Variants in KMT2B observed in about 807,000 individuals in gnomAD.
KMT2B encodes lysine methyltransferase 2B.
KMT2B carries 22 observed loss-of-function variants against 255.3 expected under a neutral mutation model. That is an observed-to-expected ratio of 0.09 (90% CI 0.06 to 0.12). The LOEUF (loss-of-function observed/expected upper bound fraction) is 0.12. Ranked by LOEUF, KMT2B falls within the 10% of genes least tolerant of loss-of-function variation. The pLI is 1.00. For synonymous variants in KMT2B, 1,730 were observed against 1,498.1 expected, an observed-to-expected ratio of 1.15 and a Z score of -3.57; for missense variants, 3,149 against 3,737.0, an observed-to-expected ratio of 0.84 and a Z score of 4.10.
At position 35,738,030 on chromosome 19, in the gene KMT2B, C is replaced by T. The variant is rs754076871; in HGVS notation, c.7743-32C>T. The T allele has an allele frequency of 3.7e-6, 6 of 1,613,674 alleles. No individual in the cohort carries two copies. The highest frequency in any genetic ancestry group is 5.1e-6 in the Non-Finnish European group (6 of 1,179,758). ...TACTGTCTGGTTTCTGTCCCCCTCCCCCCTGAGTTCCCTGTTCATCCTGCC... is the reference window on the plus strand; with the variant it reads ...TACTGTCTGGTTTCTGTCCCCCTCCTCCCTGAGTTCCCTGTTCATCCTGCC... On this transcript the variant is annotated intron_variant, in intron 35 of 36. Coordinates refer to ENST00000420124, the MANE Select transcript of KMT2B (RefSeq NM_014727.3). The surrounding 1 kb of genome is among the most constrained non-coding windows in gnomAD (Gnocchi z 8.7).
intron 3 of KMT2B, 68 bp downstream of exon 3, chr19:35,721,872 CCTT>C: frequency 6.9e-7 from 1 of 1,456,068 alleles, no homozygotes; most frequent in African/African-American, 1.4e-5. Context: ...AACCCCCTAA[CCTT>C]CCGCCTCCTT....
Position 35,726,026 on chromosome 19 carries a change from A to T in KMT2B, c.3885+208A>T, listed in dbSNP as rs185064679. On this transcript the variant is annotated intron_variant, in intron 13 of 36. Transcript: ENST00000420124. ...GTGGTTTTAGGGGCTTATGAATCTC[A>T]CATTCCGTGGGCTCAGAATCCCCTG... Among the ~76,000 whole-genome samples, 74 of 152,270 alleles carry T rather than the reference A, an allele frequency of 4.9e-4. 3 individuals are homozygous for T. Among genetic ancestry groups the T allele is most frequent in the Middle Eastern group, 3.4e-3 (1 of 294 alleles).
In KMT2B at chr19:35,730,284, C is replaced by G. The variant is rs546354421; in HGVS notation, c.5077-58C>G. The G allele has an allele frequency of 3.1e-6, 5 of 1,604,972 alleles. No individual in the cohort carries two copies. The South Asian group carries it at 3.3e-5, about 11-fold the overall frequency. ...CCAAGCCCCTGACTGTTCAGACTTC[C>G]CTGGCATCCACCTCCCCCACCAATG... is the stretch of plus-strand genomic sequence containing the variant. On this transcript the variant is annotated intron_variant, in intron 23 of 36. Coordinates refer to ENST00000420124, the MANE Select transcript of KMT2B (RefSeq NM_014727.3).
rs1270039310 is a variant in KMT2B, at chr19:35,721,514, G to T, written c.2167G>T (p.Gly723Trp). The T allele has an allele frequency of 1.2e-6, 2 of 1,611,960 alleles. No individual in the cohort carries two copies. The highest frequency in any genetic ancestry group is 1.7e-6 in the Non-Finnish European group (2 of 1,179,846). ...TPVKAEVSPH[G>W]APALSNGPQT... Reference sequence around the variant, plus strand: ...TGTTAAGGCCGAGGTGTCCCCTCACGGGGCTCCAGCTCTGAGCAACGGGCC... The same window carrying T: ...TGTTAAGGCCGAGGTGTCCCCTCACTGGGCTCCAGCTCTGAGCAACGGGCC... The change falls in exon 3 of 37, where the codon GGG becomes TGG. Residue 723 changes from glycine (G) to tryptophan (W), a missense_variant. Physicochemically the swap from Gly to Trp is radical, Grantham distance 184. Transcript: ENST00000420124.
In KMT2B at chr19:35,725,961, A is replaced by G. The variant is rs1969422183; in HGVS notation, c.3885+143A>G. On this transcript the variant is annotated intron_variant, in intron 13 of 36. Coordinates refer to ENST00000420124, the MANE Select transcript of KMT2B (RefSeq NM_014727.3). This position sits in a 1 kb window ranked among gnomAD's most constrained non-coding sequence, Gnocchi z 4.1. ...GATTAGTAATGTTTCCTCTTCAAAA[A>G]TTTCACATAGGTCAGATTTATATTC... 1.3e-5 allele frequency: 10 copies of G among 746,232 alleles called. No homozygotes were observed. Among genetic ancestry groups the G allele is most frequent in the Non-Finnish European group, 2.2e-5 (10 of 445,338 alleles). 46.2% of individuals were successfully genotyped at this position (746,232 alleles called of 1,614,324 possible).
At position 35,721,417 on chromosome 19, in the gene KMT2B, G is replaced by T; in HGVS notation, c.2070G>T (p.Glu690Asp). 1.2e-6 allele frequency: 2 copies of T among 1,611,362 alleles called. No homozygotes were observed. ...CTCCTGCCGATGACTCTCCAGCTGA[G>T]CCTGAGCCTCGGGCAGTGGGCCGCA... ...EPPPADDSPA[E>D]PEPRAVGRTN... Residue 690 changes from glutamate (E) to aspartate (D), a missense_variant, in exon 3 of 37, where the codon GAG becomes GAT. This residue lies in a region of KMT2B where 1,188 missense variants were observed against 1,106.4 expected (regional missense o/e 1.07). Coordinates refer to ENST00000420124, the MANE Select transcript of KMT2B (RefSeq NM_014727.3).
At chr19:35,724,791 G>A in intron 9 of KMT2B, 60 bp downstream of exon 9, 2 of 1,424,362 alleles carry the variant, frequency 1.4e-6, no homozygotes, top group Non-Finnish European at 1.9e-6. Context: ...AAGTCAGAGT[G>A]ACAGACACAC....
Position 35,721,318 on chromosome 19 carries a change from C to G in KMT2B, c.1971C>G (p.Ala657=). The change falls in exon 3 of 37, where the codon GCC becomes GCG. Residue 657 remains alanine, a synonymous_variant. Transcript: ENST00000420124. ...CCCCTCAGTTTACCCCAAGCGAAGCCCACCTGAAGATCTACGAATCGGTGC... is the reference window on the plus strand; with the variant it reads ...CCCCTCAGTTTACCCCAAGCGAAGCGCACCTGAAGATCTACGAATCGGTGC... The part of the protein sequence containing the change: ...LRAPQFTPSE[A]HLKIYESVLT... The G allele has an allele frequency of 6.4e-7, 1 of 1,554,978 alleles. No homozygotes were observed. Among genetic ancestry groups the G allele is most frequent in the Non-Finnish European group, 8.7e-7 (1 of 1,150,400 alleles).
chr19:35,733,700 C>T lies in KMT2B; in HGVS notation c.7049+14C>T, dbSNP rs867509477. The stretch of plus-strand genomic sequence containing the variant: ...AGAAAGTCCTGGGTGAGTGGCCAGG[C>T]CCCTCTCCCTGGAGGGTCTGGGACC... On this transcript the variant is annotated intron_variant, in intron 29 of 36. Transcript: ENST00000420124. This position sits in a 1 kb window ranked among gnomAD's most constrained non-coding sequence, Gnocchi z 4.3. The T allele has an allele frequency of 2.5e-6, 4 of 1,604,476 alleles. No individual in the cohort carries two copies. The highest frequency in any genetic ancestry group is 1.7e-5 in the Admixed American group (1 of 58,312).
chr19:35,736,682 G>C lies in KMT2B; in HGVS notation c.7160-8G>C. ...TGATCTTCACTCCAACCTGCTTCTTGGGACCAGGTGAGGCTTCGAGCTCTG... is the reference window on the plus strand; with the variant it reads ...TGATCTTCACTCCAACCTGCTTCTTCGGACCAGGTGAGGCTTCGAGCTCTG... On this transcript the variant is annotated splice_region_variant and splice_polypyrimidine_tract_variant and intron_variant, in intron 30 of 36. Transcript: ENST00000420124. The C allele has an allele frequency of 6.2e-7, 1 of 1,613,128 alleles. No homozygotes were observed. The highest frequency in any genetic ancestry group is 8.5e-7 in the Non-Finnish European group (1 of 1,179,244).
chr19:35,733,310 C>CAGGCCAT lies in KMT2B; in HGVS notation c.6761_6762insAGGCCAT (p.Pro2255GlyfsTer50). 7.0e-7 allele frequency: 1 copy of CAGGCCAT among 1,426,634 alleles called. No individual in the cohort carries two copies. Among genetic ancestry groups the CAGGCCAT allele is most frequent in the Non-Finnish European group, 9.6e-7 (1 of 1,039,114 alleles). The allele number at this position is 1,426,634 out of a possible 1,614,324, so 88.4% of individuals were successfully genotyped here. A position where few individuals can be genotyped will look rare whatever the true frequency, so the allele number is the denominator to read the frequency against. On this transcript the variant is annotated frameshift_variant, in exon 28 of 37. Coordinates refer to ENST00000420124, the MANE Select transcript of KMT2B (RefSeq NM_014727.3). LOFTEE classifies it high-confidence loss of function. This position sits in a 1 kb window ranked among gnomAD's most constrained non-coding sequence, Gnocchi z 4.3. ...GTCGGAGTGGTCCGCCCTGCCCCGC[C>CAGGCCAT]CCCGCCACCCCCTCCCCTGACGCTG... is the stretch of plus-strand genomic sequence containing the variant.
rs752684471 is a variant in KMT2B, at chr19:35,732,582, G to T, written c.6033G>T (p.Gly2011=). 92 of 1,613,402 alleles carry T rather than the reference G, an allele frequency of 5.7e-5. No homozygotes were observed. The highest frequency in any genetic ancestry group is 7.8e-5 in the Non-Finnish European group (92 of 1,179,824). Reference sequence around the variant, plus strand: ...TCCAGGAAGAGATTGTAGCCGCTGGGGCCATGGGGAGCAGCCACGGGGGCC... The same window carrying T: ...TCCAGGAAGAGATTGTAGCCGCTGGTGCCATGGGGAGCAGCCACGGGGGCC... The part of the protein sequence containing the change: ...EPFQEEIVAA[G]AMGSSHGGPG... The change falls in exon 28 of 37, where the codon GGG becomes GGT. Residue 2011 remains glycine (G), a synonymous_variant. Transcript: ENST00000420124.
rs901238760 is a variant in KMT2B at position 35,732,552 on chromosome 19, G to A, written c.6003G>A (p.Glu2001=). 1.9e-6 allele frequency: 3 copies of A among 1,613,812 alleles called. No individual in the cohort carries two copies. Among genetic ancestry groups the A allele is most frequent in the Non-Finnish European group, 2.5e-6 (3 of 1,179,874 alleles). Residue 2001 remains glutamate, a synonymous_variant, in exon 28 of 37, where the codon GAG becomes GAA. Transcript: ENST00000420124. ...LDFAASLLGT[E]PFQEEIVAAG... ...TCGCGGCCAGCCTGCTGGGGACTGA[G>A]CCCTTCCAGGAAGAGATTGTAGCCG...
intron 30 of KMT2B, among the ~76,000 whole-genome samples, chr19:35,734,152 C>G (rs1181680642): frequency 6.6e-6 from 1 of 152,068 alleles, no homozygotes; most frequent in Non-Finnish European, 1.5e-5. Flanking sequence ...CTGCCAGGAG[C>G]TGAGAGAGAG....
intron 30 of KMT2B, among the ~76,000 whole-genome samples, chr19:35,734,565 G>A (rs1257293190): frequency 1.3e-5 from 2 of 152,190 alleles, no homozygotes; most frequent in African/African-American, 2.4e-5. Context: ...AAAAGGCAGT[G>A]GGAAGAGGCC....
chr19:35,724,069 G>A, intron 8 of KMT2B, 62 bp downstream of exon 8: 1 of 1,460,400 alleles, frequency 6.8e-7, no homozygotes. Context: ...TTTTGTGTAG[G>A]AGGGACAAGG....
In KMT2B at chr19:35,720,239, G is replaced by A; in HGVS notation, c.892G>A (p.Gly298Ser). ...GGRGGRGRGR[G>S]GGLPFVIKFV... The stretch of plus-strand genomic sequence containing the variant: ...CCGTGGAGGCAGGGGCCGCGGCCGA[G>A]GTGGTGGGCTCCCCTTTGTGATCAA... The change falls in exon 3 of 37, where the codon GGT becomes AGT. Residue 298 changes from glycine to serine, a missense_variant. This residue lies in a region of KMT2B where 1,188 missense variants were observed against 1,106.4 expected (regional missense o/e 1.07). Coordinates refer to ENST00000420124, the MANE Select transcript of KMT2B (RefSeq NM_014727.3). 1 of 1,612,262 alleles carries A rather than the reference G, an allele frequency of 6.2e-7. No individual in the cohort carries two copies. The highest frequency in any genetic ancestry group is 8.5e-7 in the Non-Finnish European group (1 of 1,179,390).
chr19:35,718,516 G>A lies in KMT2B; in HGVS notation c.363+135G>A, dbSNP rs552856363. The A allele has an allele frequency of 9.8e-4, 1,052 of 1,070,376 alleles. 8 individuals carry two copies. In the Middle Eastern group the frequency reaches 0.011, roughly 11 times the overall value. 66.3% of individuals were successfully genotyped at this position (1,070,376 alleles called of 1,614,324 possible). ...TCGGAGAGACGGGGCACGGAGGGAG[G>A]GCGGCTGCATGCAGCTTCCGGGGGA... is the stretch of plus-strand genomic sequence containing the variant. On this transcript the variant is annotated intron_variant, in intron 1 of 36. Coordinates refer to ENST00000420124, the MANE Select transcript of KMT2B (RefSeq NM_014727.3). The surrounding 1 kb of genome is among the most constrained non-coding windows in gnomAD (Gnocchi z 5.0).
At chr19:35,736,592 G>A in intron 30 of KMT2B, 98 bp from the exon 31 acceptor site, 1 of 1,428,236 alleles carries the variant, frequency 7.0e-7, no homozygotes, top group Admixed American at 2.0e-5. Context: ...CTGCGCCTAG[G>A]GGTGGAGAGA....
Sources: gnomAD v4.1 joint callset for allele counts (sites outside exome capture counted in the v4.1 genomes callset) on GRCh38, gnomAD v4.1.1 for gene constraint, gnomAD v4.1.1 regional missense constraint, Gnocchi (gnomAD v3.1) non-coding constraint, MANE v1.5 for transcripts, NCBI Gene and HGNC (gene_info 2026-07-23, HGNC 2026-07-21) for gene names.